FMN1: variants seen among roughly 807,000 people sequenced by gnomAD.
FMN1 encodes formin 1.
A neutral mutation model predicts 132.4 loss-of-function variants in FMN1; 110 were observed. The observed-to-expected ratio is 0.83, with a 90% confidence interval of 0.71 to 0.97. The LOEUF (loss-of-function observed/expected upper bound fraction) is 0.97. Among genes scored for constraint, FMN1 ranks in the 50% least tolerant of loss-of-function variants. The probability of loss-of-function intolerance (pLI) is 0.00; values close to 1 mark genes in which losing one functional copy is unlikely to be tolerated. For synonymous variants in FMN1, 722 were observed against 651.7 expected (o/e 1.11, Z -1.64); for missense variants, 1,792 against 1,705.3 (o/e 1.05, Z -0.90).
At chr15:32,990,816 G>A (rs2033388797) in intron 7 of FMN1, among the ~76,000 whole-genome samples, 1 of 152,148 alleles carries the variant, frequency 6.6e-6, no homozygotes, top group African/African-American at 2.4e-5. Context: ...TGGCAGGAAG[G>A]AGAAGAATGA....
Position 32,773,039 on chromosome 15 carries a change from C to A in FMN1, c.*1271G>T, listed in dbSNP as rs1390579234. ...TGAGTCTTTGATCATATTGTCCATT[C>A]ATCTCCAGTCCTCTTTCTTCACCCC... is the stretch of plus-strand genomic sequence containing the variant. On this transcript the variant is annotated 3_prime_UTR_variant, in exon 21 of 21. Transcript: ENST00000616417. The A allele has an allele frequency of 6.6e-6, 1 of 152,218 alleles. No homozygotes were observed. The highest frequency in any genetic ancestry group is 1.5e-5 in the Non-Finnish European group (1 of 68,070). The allele number at this position is 152,218 out of a possible 1,614,324, so 9.4% of individuals were successfully genotyped here.
intron 16 of FMN1, among the ~76,000 whole-genome samples, chr15:32,857,903 T>C (rs1344422241): frequency 6.6e-6 from 1 of 152,222 alleles, no homozygotes; most frequent in Non-Finnish European, 1.5e-5. Flanking sequence ...AAGGTTCCTA[T>C]GTGTTTGTGC....
intron 6 of FMN1, among the ~76,000 whole-genome samples, chr15:33,026,601 A>G (rs1338508924): frequency 1.3e-5 from 2 of 152,234 alleles, no homozygotes; most frequent in African/African-American, 4.8e-5. Context: ...TAATGCATAT[A>G]TAAGCATTGG....
rs188200928 is a variant in FMN1, at chr15:33,128,612, C to T, written c.1867+24436G>A. The stretch of plus-strand genomic sequence containing the variant: ...CTAACTTCACAAACATACCCGCGGA[C>T]CTTTGCGGCAAGTGTTACAGCTCTT... On this transcript the variant is annotated intron_variant, in intron 4 of 20. Coordinates refer to ENST00000616417, the MANE Select transcript of FMN1 (RefSeq NM_001277313.2). 3.9e-5 allele frequency among the ~76,000 whole-genome samples: 6 copies of T among 152,344 alleles called. No homozygotes were observed. The East Asian group carries it at 1.2e-3, about 29-fold the overall frequency.
intron 4 of FMN1, among the ~76,000 whole-genome samples, chr15:33,097,024 C>T (rs1230530844): frequency 2.0e-5 from 3 of 152,106 alleles, no homozygotes; most frequent in African/African-American, 2.4e-5. Flanking sequence ...CCGGGCACAG[C>T]GGCTCATGCC....
At chr15:33,081,075 C>T (rs906274304) in intron 5 of FMN1, among the ~76,000 whole-genome samples, 4 of 152,152 alleles carry the variant, frequency 2.6e-5, no homozygotes, top group African/African-American at 9.7e-5. Context: ...CACTGCCTCA[C>T]CCCCTGCACG....
intron 5 of FMN1, among the ~76,000 whole-genome samples, chr15:33,075,290 CA>C (rs1263223988): frequency 1.3e-5 from 2 of 152,124 alleles, no homozygotes; most frequent in Non-Finnish European, 2.9e-5. Context: ...GGACACCAAC[CA>C]TCATCTAACA....
intron 6 of FMN1, among the ~76,000 whole-genome samples, chr15:33,015,830 A>G (rs1217710232): frequency 6.6e-6 from 1 of 152,236 alleles, no homozygotes; most frequent in Non-Finnish European, 1.5e-5. Context: ...TGACAGTTAA[A>G]TGTTTTAATG....
chr15:33,042,018 T>C (rs2036463332), intron 6 of FMN1, among the ~76,000 whole-genome samples: 2 of 147,604 alleles, frequency 1.4e-5, no homozygotes, highest in Non-Finnish European at 3.0e-5. Flanking sequence ...AAAACATAAA[T>C]TGTCATGATG....
rs753365735 is a variant in FMN1, at chr15:32,895,322, GA to G, written c.3714+3511del. ...TGACATGAAGAAAAAAGGAAAAAAT[GA>G]AAAAATGTGGGAAAAAAGGGAAACA... On this transcript the variant is annotated intron_variant, in intron 15 of 20. Transcript: ENST00000616417. Among the ~76,000 whole-genome samples, 13 of 143,412 alleles carry G rather than the reference GA, an allele frequency of 9.1e-5. 1 individual carries two copies. The South Asian group carries it at 2.8e-3, about 31-fold the overall frequency. 94.1% of individuals were successfully genotyped at this position (143,412 alleles called of 152,430 possible).
intron 4 of FMN1, among the ~76,000 whole-genome samples, chr15:33,109,628 G>C (rs1283463403): frequency 6.6e-6 from 1 of 151,994 alleles, no homozygotes; most frequent in Non-Finnish European, 1.5e-5. Flanking sequence ...TTATAAGCAA[G>C]AGCTACATGG....
intron 17 of FMN1, among the ~76,000 whole-genome samples, chr15:32,819,214 C>A (rs888988373): frequency 7.0e-6 from 1 of 142,624 alleles, no homozygotes; most frequent in Non-Finnish European, 1.6e-5. Flanking sequence ...ATCCATGCAA[C>A]CCCCTTCCCC....
intron 9 of FMN1, among the ~76,000 whole-genome samples, chr15:32,935,699 C>A (rs544575942): frequency 2.9e-4 from 44 of 151,952 alleles, no homozygotes; most frequent in African/African-American, 1.1e-3. Context: ...GTGATCTTGG[C>A]TCACTGTAAC....
chr15:32,892,939 A>G (rs971303361), intron 15 of FMN1, among the ~76,000 whole-genome samples: 1 of 152,176 alleles, frequency 6.6e-6, no homozygotes, highest in Non-Finnish European at 1.5e-5. Context: ...TGTTCTTGGT[A>G]TGGTAAACAA....
intron 19 of FMN1, among the ~76,000 whole-genome samples, chr15:32,779,530 G>A (rs978728826): frequency 6.6e-6 from 1 of 152,064 alleles, no homozygotes; most frequent in Non-Finnish European, 1.5e-5. Flanking sequence ...TACACTCTAC[G>A]AGCCATCAAG....
chr15:33,115,786 A>G (rs1352845224), intron 4 of FMN1, among the ~76,000 whole-genome samples: 4 of 152,160 alleles, frequency 2.6e-5, no homozygotes, highest in East Asian at 1.9e-4. Context: ...GTTACCACTT[A>G]GAAGTTCCCT....
intron 12 of FMN1, among the ~76,000 whole-genome samples, chr15:32,904,502 C>T (rs1208864619): frequency 1.3e-5 from 2 of 152,034 alleles, no homozygotes; most frequent in Admixed American, 1.3e-4. Context: ...GCTGGGAGAC[C>T]TCCTAGACCA....
At chr15:33,171,623 G>T (rs1334309857) in intron 3 of FMN1, among the ~76,000 whole-genome samples, 1 of 152,098 alleles carries the variant, frequency 6.6e-6, no homozygotes, top group Non-Finnish European at 1.5e-5. Flanking sequence ...ATTATTAATG[G>T]AGGAAAAATG....
chr15:32,923,394 G>GTCA (rs1373145902), intron 10 of FMN1, among the ~76,000 whole-genome samples: 3 of 152,226 alleles, frequency 2.0e-5, no homozygotes, highest in African/African-American at 7.2e-5. Flanking sequence ...GCCAGTGTCA[G>GTCA]TCAATGACTC....
Sources: allele counts gnomAD v4.1 joint callset (sites outside exome capture counted in the v4.1 genomes callset), GRCh38; gene constraint gnomAD v4.1.1; transcripts MANE v1.5; gene names NCBI Gene and HGNC (gene_info 2026-07-23, HGNC 2026-07-21).